Variants in LIPC observed in about 807,000 individuals in gnomAD.
LIPC encodes lipase C, hepatic type, also known as hepatic triacylglycerol lipase.
A neutral mutation model predicts 50.7 loss-of-function variants in LIPC; 44 were observed. That is an observed-to-expected ratio of 0.87 (90% CI 0.68 to 1.11). The LOEUF is 1.11. Ranked by LOEUF, LIPC falls within the 50% of genes most tolerant of loss-of-function variation. LIPC has a pLI of 0.00. For synonymous variants in LIPC, 271 were observed against 256.4 expected, an observed-to-expected ratio of 1.06 and a Z score of -0.54; for missense variants, 697 against 648.2, an observed-to-expected ratio of 1.08 and a Z score of -0.82.
intron 1 of LIPC, among the ~76,000 whole-genome samples, chr15:58,474,572 T>G (rs966091805): frequency 1.3e-5 from 2 of 151,652 alleles, no homozygotes; most frequent in African/African-American, 4.9e-5. Flanking sequence ...CTCCACCATC[T>G]TTGATGTAGG....
At chr15:58,452,822 A>G (rs1293080755) in intron 1 of LIPC, among the ~76,000 whole-genome samples, 1 of 152,158 alleles carries the variant, frequency 6.6e-6, no homozygotes, top group Non-Finnish European at 1.5e-5. Flanking sequence ...GGGAGCTGGT[A>G]GTGAGGGTAC....
intron 3 of LIPC, 108 bp downstream of exon 3, chr15:58,542,075 T>A: frequency 8.0e-7 from 1 of 1,245,220 alleles, no homozygotes; most frequent in Non-Finnish European, 1.1e-6. Flanking sequence ...GGAGAAGCAC[T>A]AATGCTCAGC....
At chr15:58,524,612 G>A (rs775159933) in intron 1 of LIPC, among the ~76,000 whole-genome samples, 7 of 152,214 alleles carry the variant, frequency 4.6e-5, no homozygotes, top group Non-Finnish European at 5.9e-5. Context: ...TGATGGTTGA[G>A]ACTTGTGTCT....
intron 1 of LIPC, among the ~76,000 whole-genome samples, chr15:58,509,255 C>G (rs1392121977): frequency 1.3e-5 from 2 of 152,206 alleles, no homozygotes; most frequent in African/African-American, 4.8e-5. Context: ...GAGCCACTTT[C>G]TCCACTCCAC....
In LIPC at chr15:58,542,531, C is replaced by CAGGA; in HGVS notation, c.457-1_459dup. On this transcript the variant is annotated splice_region_variant and splice_polypyrimidine_tract_variant and intron_variant, in intron 3 of 8. Transcript: ENST00000299022. ...CTGCCCCCATCCCGCTGCTGTCTTC[C>CAGGA]AGGAATCTGTGCAACTCTCTCGAAG... The CAGGA allele has an allele frequency of 1.3e-6, 2 of 1,597,474 alleles. No individual in the cohort carries two copies. The highest frequency in any genetic ancestry group is 1.7e-6 in the Non-Finnish European group (2 of 1,164,844).
At chr15:58,539,308 C>A (rs1309014113) in intron 2 of LIPC, among the ~76,000 whole-genome samples, 5 of 152,170 alleles carry the variant, frequency 3.3e-5, no homozygotes, top group African/African-American at 1.2e-4. Context: ...TTAGGTGTCC[C>A]AGAGCCTCTG....
chr15:58,472,397 A>C (rs1289295966), intron 1 of LIPC, among the ~76,000 whole-genome samples: 6 of 152,016 alleles, frequency 3.9e-5, no homozygotes, highest in African/African-American at 1.4e-4. Flanking sequence ...CAACATGGTG[A>C]AACCCTGTCT....
intron 6 of LIPC, among the ~76,000 whole-genome samples, chr15:58,558,109 T>G: frequency 6.6e-6 from 1 of 151,786 alleles, no homozygotes; most frequent in Non-Finnish European, 1.5e-5. Flanking sequence ...ACTCTTGCCC[T>G]GTCACCAGGC....
At chr15:58,551,547 A>G (rs1355273100) in intron 6 of LIPC, among the ~76,000 whole-genome samples, 2 of 152,164 alleles carry the variant, frequency 1.3e-5, no homozygotes, top group African/African-American at 2.4e-5. Flanking sequence ...GGAGAGTTCT[A>G]CTGGTGATGC....
chr15:58,485,932 G>C (rs532417688), intron 1 of LIPC, among the ~76,000 whole-genome samples: 72 of 152,332 alleles, frequency 4.7e-4, no homozygotes, highest in South Asian at 1.0e-3. Flanking sequence ...AACAGACTAA[G>C]ATGGCTAGAA....
intron 1 of LIPC, among the ~76,000 whole-genome samples, chr15:58,501,481 G>A (rs1363730462): frequency 6.6e-6 from 1 of 150,844 alleles, no homozygotes. Context: ...CATTTTCCAT[G>A]TATTTTTAAC....
At chr15:58,454,201 G>A (rs1894024439) in intron 1 of LIPC, 1 of 152,210 alleles carries the variant, frequency 6.6e-6, no homozygotes, top group Admixed American at 6.5e-5. Flanking sequence ...GGTGAACTTG[G>A]AGCAAATAAC....
In LIPC at chr15:58,569,485, T is replaced by C. The variant is rs1894484438; in HGVS notation, c.*658T>C. On this transcript the variant is annotated 3_prime_UTR_variant, in exon 9 of 9. Transcript: ENST00000299022. ...CATAATTATTATATCTTACTAATGC[T>C]TGCAACAAAAGCTAATTTTAAAAAC... is the stretch of plus-strand genomic sequence containing the variant. 6.6e-6 allele frequency: 1 copy of C among 152,208 alleles called. No homozygotes were observed. Among genetic ancestry groups the C allele is most frequent in the South Asian group, 2.1e-4 (1 of 4,832 alleles). 9.4% of individuals were successfully genotyped at this position (152,208 alleles called of 1,614,324 possible). A position where few individuals can be genotyped will look rare whatever the true frequency, so the allele number is the denominator to read the frequency against.
chr15:58,517,008 G>A (rs1892506568), intron 1 of LIPC, among the ~76,000 whole-genome samples: 1 of 152,288 alleles, frequency 6.6e-6, no homozygotes, highest in African/African-American at 2.4e-5. Flanking sequence ...TGACCCTTTT[G>A]AGACTTGCTT....
chr15:58,497,351 G>C (rs1051209134), intron 1 of LIPC, among the ~76,000 whole-genome samples: 1 of 152,176 alleles, frequency 6.6e-6, no homozygotes, highest in South Asian at 2.1e-4. Context: ...GGAATGGATG[G>C]GGAAGTGGGG....
At chr15:58,439,060 T>A (rs1169613227) in intron 1 of LIPC, among the ~76,000 whole-genome samples, 1 of 152,210 alleles carries the variant, frequency 6.6e-6, no homozygotes, top group Non-Finnish European at 1.5e-5. Context: ...GGCACGGCTC[T>A]CCAGTGGACT....
At chr15:58,471,112 T>C (rs1448668930) in intron 1 of LIPC, among the ~76,000 whole-genome samples, 1 of 149,774 alleles carries the variant, frequency 6.7e-6, no homozygotes, top group Non-Finnish European at 1.5e-5. Flanking sequence ...AGATGGTAAG[T>C]AGGATTTTTT....
At chr15:58,471,093 C>A (rs78229570) in intron 1 of LIPC, among the ~76,000 whole-genome samples, 43 of 146,510 alleles carry the variant, frequency 2.9e-4, no homozygotes, top group African/African-American at 1.1e-3. Flanking sequence ...GACCTAAGGT[C>A]TAGGCCAGAG....
chr15:58,552,447 C>T (rs1014030773), intron 6 of LIPC, among the ~76,000 whole-genome samples: 1 of 152,160 alleles, frequency 6.6e-6, no homozygotes, highest in Non-Finnish European at 1.5e-5. Context: ...GCTGCATGTC[C>T]CGCCTCCTCC....
Sources: gnomAD v4.1 joint callset for allele counts (sites outside exome capture counted in the v4.1 genomes callset) on GRCh38, gnomAD v4.1.1 for gene constraint, MANE v1.5 for transcripts, NCBI Gene and HGNC (gene_info 2026-07-23, HGNC 2026-07-21) for gene names.